GRM8: variants seen among roughly 807,000 people sequenced by gnomAD.
GRM8 encodes the protein glutamate metabotropic receptor 8.
In GRM8, 47 loss-of-function variants were observed where a neutral mutation model predicts 87.2. The observed-to-expected ratio is 0.54, with a 90% CI of 0.43 to 0.69. The LOEUF (loss-of-function observed/expected upper bound fraction) is 0.69. Among genes scored for constraint, GRM8 ranks in the 30% least tolerant of loss-of-function variants. GRM8 has a pLI of 0.00. For synonymous variants in GRM8, 396 were observed against 404.5 expected (o/e 0.98, Z 0.25); for missense variants, 1,019 against 1,139.2 (o/e 0.89, Z 1.52).
intron 7 of GRM8, among the ~76,000 whole-genome samples, chr7:126,675,151 CA>C (rs1269062062): frequency 2.6e-5 from 4 of 152,084 alleles, no homozygotes; most frequent in Non-Finnish European, 5.9e-5. Context: ...AACATTGATG[CA>C]AACCAAACAT....
intron 9 of GRM8, among the ~76,000 whole-genome samples, chr7:126,506,047 TCTGA>T (rs1232492156): frequency 8.5e-5 from 13 of 152,182 alleles, no homozygotes; most frequent in East Asian, 7.8e-4. Context: ...CTTCTTTCAG[TCTGA>T]CTATTTTCTA....
chr7:127,116,875 T>C (rs1247461290), intron 2 of GRM8, among the ~76,000 whole-genome samples: 1 of 152,182 alleles, frequency 6.6e-6, no homozygotes, highest in Non-Finnish European at 1.5e-5. Context: ...TCAAATACTA[T>C]ATGCAAAACT....
At chr7:127,149,446 C>A (rs1212441711) in intron 2 of GRM8, among the ~76,000 whole-genome samples, 4 of 152,042 alleles carry the variant, frequency 2.6e-5, no homozygotes, top group African/African-American at 9.7e-5. Context: ...AAAAAGGGAA[C>A]TCATACACTA....
chr7:127,249,123 T>C (rs570218917), intron 1 of GRM8, among the ~76,000 whole-genome samples: 1 of 152,300 alleles, frequency 6.6e-6, no homozygotes, highest in East Asian at 1.9e-4. Context: ...GCTTTAGGCA[T>C]AACCCTGCCT....
chr7:127,181,101 A>C (rs1794410952), intron 2 of GRM8, among the ~76,000 whole-genome samples: 1 of 151,940 alleles, frequency 6.6e-6, no homozygotes, highest in Non-Finnish European at 1.5e-5. Context: ...AACCCTAAGA[A>C]CTCCTTCAGA....
intron 6 of GRM8, among the ~76,000 whole-genome samples, chr7:126,874,225 C>A (rs1309678804): frequency 6.6e-6 from 1 of 152,006 alleles, no homozygotes; most frequent in Non-Finnish European, 1.5e-5. Context: ...TAAATGCATT[C>A]TCAATGATTA....
intron 6 of GRM8, among the ~76,000 whole-genome samples, chr7:126,855,017 G>A (rs1563252304): frequency 1.3e-5 from 2 of 152,084 alleles, no homozygotes; most frequent in Admixed American, 1.3e-4. Context: ...CAGCTCTCAG[G>A]GGGAATGCTT....
At chr7:126,874,063 T>G (rs1291208790) in intron 6 of GRM8, among the ~76,000 whole-genome samples, 1 of 152,096 alleles carries the variant, frequency 6.6e-6, no homozygotes, top group Non-Finnish European at 1.5e-5. Context: ...ACTTTCATTC[T>G]TTAAATATCA....
intron 3 of GRM8, among the ~76,000 whole-genome samples, chr7:126,969,270 CT>C (rs1348439169): frequency 6.6e-6 from 1 of 152,128 alleles, no homozygotes; most frequent in African/African-American, 2.4e-5. Flanking sequence ...CATTGACTGA[CT>C]CTTCCTTTCA....
At chr7:126,960,096 CAGAAACCCAG>C (rs1809151179) in intron 3 of GRM8, among the ~76,000 whole-genome samples, 1 of 152,040 alleles carries the variant, frequency 6.6e-6, no homozygotes, top group African/African-American at 2.4e-5. Flanking sequence ...ATCAGCCAGC[CAGAAACCCAG>C]GTAAATCAAT....
At chr7:126,939,612 T>C (rs1392951784) in intron 3 of GRM8, among the ~76,000 whole-genome samples, 1 of 152,214 alleles carries the variant, frequency 6.6e-6, no homozygotes, top group Non-Finnish European at 1.5e-5. Flanking sequence ...AAGAAAATTG[T>C]GCCTGCATGT....
At chr7:127,171,950 G>A (rs1399744615) in intron 2 of GRM8, among the ~76,000 whole-genome samples, 5 of 151,556 alleles carry the variant, frequency 3.3e-5, no homozygotes, top group Middle Eastern at 3.4e-3. Flanking sequence ...AGCTCACTTC[G>A]AAAAAACTTA....
rs545501608 is a variant in GRM8, at chr7:126,726,877, C to A, written c.1357+42988G>T. ...CAAGATTTGCTCCAAGAAAAAAAAA[C>A]CATTTCTGGTTTGCATGAGTAATGT... On this transcript the variant is annotated intron_variant, in intron 7 of 10. Coordinates refer to ENST00000339582, the MANE Select transcript of GRM8 (RefSeq NM_000845.3). 6.4e-3 allele frequency among the ~76,000 whole-genome samples: 976 copies of A among 151,868 alleles called. 10 individuals are homozygous for A. The highest frequency in any genetic ancestry group is 0.021 in the African/African-American group (881 of 41,396).
chr7:126,560,369 C>A (rs1275547806), intron 8 of GRM8, among the ~76,000 whole-genome samples: 1 of 152,046 alleles, frequency 6.6e-6, no homozygotes, highest in Non-Finnish European at 1.5e-5. Context: ...ATAAAAATTA[C>A]TGTATTCTTG....
At chr7:127,018,514 G>A (rs1457313278) in intron 3 of GRM8, among the ~76,000 whole-genome samples, 1 of 151,458 alleles carries the variant, frequency 6.6e-6, no homozygotes, top group Non-Finnish European at 1.5e-5. Context: ...GGTCAGGGTG[G>A]ACACTGCTAA....
intron 8 of GRM8, among the ~76,000 whole-genome samples, chr7:126,580,728 A>T (rs1309049084): frequency 1.3e-5 from 2 of 152,154 alleles, no homozygotes; most frequent in Non-Finnish European, 2.9e-5. Context: ...CCTAATTCAC[A>T]GAATTATAGT....
intron 2 of GRM8, among the ~76,000 whole-genome samples, chr7:127,136,057 C>A (rs968737883): frequency 5.3e-5 from 8 of 152,154 alleles, no homozygotes; most frequent in Admixed American, 3.3e-4. Flanking sequence ...TGAACTAATT[C>A]AATAAAAGTC....
chr7:126,506,158 A>C (rs1262106459), intron 9 of GRM8, among the ~76,000 whole-genome samples: 1 of 151,946 alleles, frequency 6.6e-6, no homozygotes, highest in Non-Finnish European at 1.5e-5. Flanking sequence ...CATTGTTGCA[A>C]ATGGCAGGCT....
rs1356037103 is a variant in GRM8, at chr7:126,610,865, C to T, written c.1358-1367G>A. Among the ~76,000 whole-genome samples, 2 of 152,140 alleles carry T rather than the reference C, an allele frequency of 1.3e-5. 1 individual carries two copies. The highest frequency in any genetic ancestry group is 1.3e-4 in the Admixed American group (2 of 15,282). On this transcript the variant is annotated intron_variant, in intron 7 of 10. Coordinates refer to ENST00000339582, the MANE Select transcript of GRM8 (RefSeq NM_000845.3). The stretch of plus-strand genomic sequence containing the variant: ...TGATGAGACTACAGACATCTGGTAT[C>T]ATCAGGAACTGCTGAGGCTGCAAGA...
Sources: gnomAD v4.1 joint callset for allele counts (sites outside exome capture counted in the v4.1 genomes callset) on GRCh38, gnomAD v4.1.1 for gene constraint, MANE v1.5 for transcripts, NCBI Gene and HGNC (gene_info 2026-07-23, HGNC 2026-07-21) for gene names.